PIK3C2B: variants seen among roughly 807,000 people sequenced by gnomAD.
The protein encoded by PIK3C2B is phosphatidylinositol-4-phosphate 3-kinase catalytic subunit type 2 beta.
PIK3C2B carries 83 observed loss-of-function variants against 184.3 expected under a neutral mutation model. That is an observed-to-expected ratio of 0.45 (90% CI 0.38 to 0.54). The LOEUF is 0.54. Among genes scored for constraint, PIK3C2B ranks in the 20% least tolerant of loss-of-function variants. The pLI is 0.00. For missense variants in PIK3C2B, 1,736 were observed against 2,113.5 expected (o/e 0.82, Z 3.50); for synonymous variants, 779 against 837.6 (o/e 0.93, Z 1.21).
chr1:204,457,316 G>A (rs962275732), intron 9 of PIK3C2B, among the ~76,000 whole-genome samples: 1 of 152,180 alleles, frequency 6.6e-6, no homozygotes. Flanking sequence ...CAGGCTACTC[G>A]GCTGCAGATC....
At chr1:204,450,461 C>T (rs1654255698) in intron 12 of PIK3C2B, among the ~76,000 whole-genome samples, 1 of 152,204 alleles carries the variant, frequency 6.6e-6, no homozygotes, top group Non-Finnish European at 1.5e-5. Flanking sequence ...CCACTTCTTG[C>T]TGCTGAGAGC....
Position 204,424,944 on chromosome 1 carries a change from C to G in PIK3C2B, c.4813G>C (p.Gly1605Arg), listed in dbSNP as rs1402177321. ...EQGFWENVLL[G>R]EVNIRLRELD... Reference sequence around the variant, plus strand: ...TCTCGCAGGCGGATGTTCACCTCACCGAGGAGGACGTTCTCCCAGAATCCC... The same window carrying G: ...TCTCGCAGGCGGATGTTCACCTCACGGAGGAGGACGTTCTCCCAGAATCCC... The change falls in exon 33 of 33, where the codon GGT becomes CGT. Residue 1605 changes from glycine to arginine, a missense_variant. Physicochemically the swap from Gly to Arg is moderately radical, Grantham distance 125. Coordinates refer to ENST00000684373, the MANE Select transcript of PIK3C2B (RefSeq NM_001377334.1). The G allele has an allele frequency of 6.2e-7, 1 of 1,614,146 alleles. No individual in the cohort carries two copies. Among genetic ancestry groups the G allele is most frequent in the Non-Finnish European group, 8.5e-7 (1 of 1,179,976 alleles).
At chr1:204,467,864 A>G (rs1437106409) in intron 2 of PIK3C2B, among the ~76,000 whole-genome samples, 6 of 139,676 alleles carry the variant, frequency 4.3e-5, no homozygotes, top group African/African-American at 1.5e-4. Context: ...GGCATCAGCC[A>G]TGGGGGTGTC....
intron 10 of PIK3C2B, 96 bp from the exon 11 acceptor site, chr1:204,456,147 GTGGTCCCCAAA>G: frequency 2.1e-6 from 2 of 936,438 alleles, no homozygotes; most frequent in Non-Finnish European, 3.2e-6. Flanking sequence ...GCCTAAGACA[GTGGTCCCCAAA>G]TGCTAGTCAG....
At chr1:204,430,636 C>A (rs1322393578) in intron 28 of PIK3C2B, among the ~76,000 whole-genome samples, 1 of 151,686 alleles carries the variant, frequency 6.6e-6, no homozygotes, top group African/African-American at 2.4e-5. Flanking sequence ...AGCCACCGCA[C>A]CCGGCCAAAA....
At chr1:204,432,769 G>T (rs1179550321) in intron 26 of PIK3C2B, among the ~76,000 whole-genome samples, 1 of 152,148 alleles carries the variant, frequency 6.6e-6, no homozygotes, top group East Asian at 1.9e-4. Context: ...CAATTCAGCG[G>T]GAGAGGTCCT....
intron 10 of PIK3C2B, among the ~76,000 whole-genome samples, chr1:204,456,739 C>A (rs377245359): frequency 9.7e-4 from 147 of 152,156 alleles, no homozygotes; most frequent in African/African-American, 3.5e-3. Context: ...TGCTGCCCCA[C>A]CACCCCACTC....
chr1:204,484,972 T>C (rs1288440902), intron 1 of PIK3C2B, among the ~76,000 whole-genome samples: 1 of 151,820 alleles, frequency 6.6e-6, no homozygotes, highest in Non-Finnish European at 1.5e-5. Flanking sequence ...AGACCAGAAG[T>C]GGGAGTCCAG....
Position 204,424,784 on chromosome 1 carries a change from A to G in PIK3C2B, c.*68T>C, listed in dbSNP as rs1475049100. The G allele has an allele frequency of 2.0e-6, 3 of 1,496,692 alleles. No individual in the cohort carries two copies. In the African/African-American group the frequency reaches 4.1e-5, roughly 21 times the overall value. The allele number at this position is 1,496,692 out of a possible 1,614,324, so 92.7% of individuals were successfully genotyped here. A position where few individuals can be genotyped will look rare whatever the true frequency, so the allele number is the denominator to read the frequency against. ...CTGGCCCTTCACAAGGAGGAGTCTC[A>G]CAGGGGAGAGTCCTCTCCCCCAGCT... On this transcript the variant is annotated 3_prime_UTR_variant, in exon 33 of 33. Coordinates refer to ENST00000684373, the MANE Select transcript of PIK3C2B (RefSeq NM_001377334.1).
rs114563071 is a variant in PIK3C2B at position 204,443,442 on chromosome 1, C to T, written c.3023G>A (p.Arg1008Gln). 1.5e-4 allele frequency: 239 copies of T among 1,614,158 alleles called. 1 individual carries two copies. The East Asian group carries it at 4.7e-3, about 31-fold the overall frequency. Residue 1008 changes from arginine (R) to glutamine (Q), a missense_variant, in exon 19 of 33, where the codon CGG becomes CAG. Arg to Gln is a conservative substitution (Grantham distance 43, BLOSUM62 1). Around this residue, in one of 8 missense-constraint regions of PIK3C2B, gnomAD observed 289 missense variants for 380.4 expected, o/e 0.76. Transcript: ENST00000684373. ...NALAKLAQQVREAAPSARQGI... is the reference protein window; with the variant it reads ...NALAKLAQQVQEAAPSARQGI... The stretch of plus-strand genomic sequence containing the variant: ...CTGCCTTGCAGATGGGGCTGCCTCC[C>T]GGACCTGCTGGGCCAGTTTGGCCAG...
chr1:204,441,563 C>A lies in PIK3C2B; in HGVS notation c.3157G>T (p.Asp1053Tyr), dbSNP rs1283769039. The change falls in exon 21 of 33, where the codon GAC becomes TAC. Residue 1053 changes from aspartate to tyrosine, a missense_variant and splice_region_variant. Physicochemically the swap from Asp to Tyr is radical, Grantham distance 160 (BLOSUM62 -3). Transcript: ENST00000684373. Reference sequence around the variant, plus strand: ...GCATTGGAGTTGAAGTAGGAACAGTCCTGCCATGGTGAAAAGATAGTGACG... The same window carrying A: ...GCATTGGAGTTGAAGTAGGAACAGTACTGCCATGGTGAAAAGATAGTGACG... Reference protein sequence around the residue: ...SLLVKGIVPRDCSYFNSNAVP... With the variant: ...SLLVKGIVPRYCSYFNSNAVP... 3 of 1,608,544 alleles carry A rather than the reference C, an allele frequency of 1.9e-6. No homozygotes were observed. The Admixed American group carries it at 5.0e-5, about 27-fold the overall frequency.
intron 14 of PIK3C2B, 72 bp downstream of exon 14, chr1:204,449,113 C>G: frequency 9.1e-7 from 1 of 1,099,440 alleles, no homozygotes; most frequent in East Asian, 2.5e-5. Flanking sequence ...CAGCCCAAAT[C>G]TCCAGGAGAA....
intron 1 of PIK3C2B, among the ~76,000 whole-genome samples, chr1:204,487,755 A>G (rs1657722987): frequency 6.6e-6 from 1 of 152,134 alleles, no homozygotes; most frequent in Non-Finnish European, 1.5e-5. Context: ...AAGACTGTAT[A>G]TATATAACTC....
intron 2 of PIK3C2B, among the ~76,000 whole-genome samples, chr1:204,466,198 GT>G (rs1415478508): frequency 2.0e-5 from 3 of 152,154 alleles, no homozygotes; most frequent in Non-Finnish European, 4.4e-5. Context: ...TGCCTGAGGG[GT>G]CTGCTCAGGG....
intron 1 of PIK3C2B, among the ~76,000 whole-genome samples, chr1:204,482,932 T>G (rs1215241354): frequency 6.6e-6 from 1 of 152,118 alleles, no homozygotes; most frequent in Non-Finnish European, 1.5e-5. Flanking sequence ...GTCAGCCTGG[T>G]CACCCCTAGA....
At position 204,441,530 on chromosome 1, in the gene PIK3C2B, G is replaced by C. The variant is rs1261432742; in HGVS notation, c.3190C>G (p.Leu1064Val). Reference protein sequence around the residue: ...CSYFNSNAVPLKLSFQNVDPL... With the variant: ...CSYFNSNAVPVKLSFQNVDPL... ...TCCACATTTTGGAAGGAGAGTTTGA[G>C]GGGGACAGCATTGGAGTTGAAGTAG... is the stretch of plus-strand genomic sequence containing the variant. The change falls in exon 21 of 33, where the codon CTC (leucine) becomes GTC (valine). Residue 1064 changes from leucine to valine, a missense_variant. Physicochemically the swap from Leu to Val is conservative, Grantham distance 32 (BLOSUM62 1). Coordinates refer to ENST00000684373, the MANE Select transcript of PIK3C2B (RefSeq NM_001377334.1). 4.3e-6 allele frequency: 7 copies of C among 1,613,254 alleles called. No homozygotes were observed. The highest frequency in any genetic ancestry group is 1.3e-5 in the African/African-American group (1 of 74,992).
intron 29 of PIK3C2B, chr1:204,428,933 G>A (rs1338552953): frequency 2.2e-6 from 1 of 454,702 alleles, no homozygotes; most frequent in Non-Finnish European, 4.4e-6. Flanking sequence ...AGTTTAAAAA[G>A]AAAAAACAGG....
rs777448769 is a variant in PIK3C2B, at chr1:204,445,956, G to A, written c.2678C>T (p.Thr893Ile). The change falls in exon 16 of 33, where the codon ACC becomes ATC. Residue 893 changes from threonine to isoleucine, a missense_variant and splice_region_variant. By Grantham distance (89) the Thr-to-Ile change is moderately conservative. Around this residue, in one of 8 missense-constraint regions of PIK3C2B, gnomAD observed 289 missense variants for 380.4 expected, o/e 0.76. Transcript: ENST00000684373. ...HQDALGLLHA[T>I]FPDQEVRRMA... ...AGAAAAGGCAGATGTTACAACTCAC[G>A]TGGCATGCAGGAGCCCCAGGGCATC... 15 of 1,516,226 alleles carry A rather than the reference G, an allele frequency of 9.9e-6. No homozygotes were observed. In the East Asian group the frequency reaches 1.4e-4, roughly 14 times the overall value. The allele number at this position is 1,516,226 out of a possible 1,614,324, so 93.9% of individuals were successfully genotyped here. A position where few individuals can be genotyped will look rare whatever the true frequency, so the allele number is the denominator to read the frequency against.
intron 29 of PIK3C2B, chr1:204,428,816 G>A: frequency 2.5e-6 from 1 of 400,928 alleles, no homozygotes; most frequent in South Asian, 1.8e-5. Context: ...ATAAAAAATA[G>A]AAGAAGCAAA....
Sources: gnomAD v4.1 joint callset for allele counts (sites outside exome capture counted in the v4.1 genomes callset) on GRCh38, gnomAD v4.1.1 for gene constraint, gnomAD v4.1.1 regional missense constraint, MANE v1.5 for transcripts, NCBI Gene and HGNC (gene_info 2026-07-23, HGNC 2026-07-21) for gene names.